Variants in LRRC4C observed in about 807,000 individuals in gnomAD.
The protein encoded by LRRC4C is leucine-rich repeat-containing protein 4C.
In LRRC4C, 5 loss-of-function variants were observed where a neutral mutation model predicts 33.6. That is an observed-to-expected ratio of 0.15 (90% CI 0.08 to 0.31). The LOEUF is 0.31. LRRC4C is among the 10% of genes least tolerant of loss of function. The probability of loss-of-function intolerance (pLI) is 1.00; values close to 1 mark genes in which losing one functional copy is unlikely to be tolerated. For synonymous variants in LRRC4C, 329 were observed against 302.0 expected (o/e 1.09, Z -0.93); for missense variants, 560 against 796.7 (o/e 0.70, Z 3.58).
At chr11:41,037,574 T>TCACACACACACACACACACA (rs56234239) in intron 1 of LRRC4C, among the ~76,000 whole-genome samples, 2 of 148,862 alleles carry the variant, frequency 1.3e-5, no homozygotes, top group Non-Finnish European at 3.0e-5. Flanking sequence ...TCTTTTCCTT[T>TCACACACACACACACACACA]CACACACACA....
chr11:40,651,940 C>T lies in LRRC4C; in HGVS notation c.-406-3662G>A, dbSNP rs188935047. 3.9e-5 allele frequency among the ~76,000 whole-genome samples: 6 copies of T among 152,248 alleles called. No individual in the cohort carries two copies. The East Asian group carries it at 1.2e-3, about 29-fold the overall frequency. The stretch of plus-strand genomic sequence containing the variant: ...CATTGATAAATGAGCTATGAAAAGT[C>T]TTTAATGTCTGTTCATTTTGTATCT... On this transcript the variant is annotated intron_variant, in intron 2 of 6. Transcript: ENST00000528697.
chr11:40,578,943 C>T (rs1322397371), intron 3 of LRRC4C, among the ~76,000 whole-genome samples: 1 of 152,090 alleles, frequency 6.6e-6, no homozygotes, highest in East Asian at 1.9e-4. Flanking sequence ...CTTGATTACC[C>T]CAAACCTATT....
chr11:40,763,816 C>G (rs1164088677), intron 2 of LRRC4C, among the ~76,000 whole-genome samples: 3 of 152,182 alleles, frequency 2.0e-5, no homozygotes, highest in Non-Finnish European at 4.4e-5. Context: ...AACCTAAGTT[C>G]CAGCTAGCCC....
At chr11:41,073,963 CTA>C (rs1434892250) in intron 1 of LRRC4C, among the ~76,000 whole-genome samples, 7 of 152,096 alleles carry the variant, frequency 4.6e-5, no homozygotes, top group African/African-American at 1.7e-4. Context: ...GTTTTAGTAA[CTA>C]TTGTTTTGCA....
chr11:40,440,986 C>G (rs1951369073), intron 3 of LRRC4C, among the ~76,000 whole-genome samples: 1 of 152,026 alleles, frequency 6.6e-6, no homozygotes, highest in African/African-American at 2.4e-5. Flanking sequence ...CTTCTAAACA[C>G]TTATTGGAAT....
rs182365136 is a variant in LRRC4C, at chr11:40,575,824, C to A, written c.-270+72318G>T. Among the ~76,000 whole-genome samples the A allele has an allele frequency of 4.1e-3, 628 of 152,216 alleles. 6 individuals carry two copies. The highest frequency in any genetic ancestry group is 0.015 in the African/African-American group (606 of 41,528). The stretch of plus-strand genomic sequence containing the variant: ...CAAATATTTGGAACTATACCACTTT[C>A]ACAAATAATACATGGAAAAACTCCT... On this transcript the variant is annotated intron_variant, in intron 3 of 6. Transcript: ENST00000528697.
chr11:41,331,856 G>T (rs571196729), intron 1 of LRRC4C, among the ~76,000 whole-genome samples: 75 of 152,200 alleles, frequency 4.9e-4, no homozygotes, highest in African/African-American at 1.7e-3. Flanking sequence ...TGTACCACAC[G>T]TGCTGATGGA....
At position 40,978,753 on chromosome 11, in the gene LRRC4C, C is replaced by G. The variant is rs184902534; in HGVS notation, c.-495-45030G>C. Among the ~76,000 whole-genome samples the G allele has an allele frequency of 1.6e-3, 236 of 151,902 alleles. 1 individual carries two copies. Among genetic ancestry groups the G allele is most frequent in the African/African-American group, 5.5e-3 (228 of 41,438 alleles). ...TCTCCTGCCTCAACCTCCCTAGTAGCTGGGATTGCAGGTGCCCACAACCAT... is the reference window on the plus strand; with the variant it reads ...TCTCCTGCCTCAACCTCCCTAGTAGGTGGGATTGCAGGTGCCCACAACCAT... On this transcript the variant is annotated intron_variant, in intron 1 of 6. Coordinates refer to ENST00000528697, the MANE Select transcript of LRRC4C (RefSeq NM_001258419.2).
At chr11:41,423,915 GAC>G (rs1954952964) in intron 1 of LRRC4C, 1 of 149,170 alleles carries the variant, frequency 6.7e-6, no homozygotes, top group Non-Finnish European at 1.5e-5. Context: ...TTGTAGGAGG[GAC>G]CTGGTGGGAG....
intron 4 of LRRC4C, among the ~76,000 whole-genome samples, chr11:40,268,300 A>T (rs1044130792): frequency 1.3e-5 from 2 of 152,166 alleles, no homozygotes; most frequent in African/African-American, 4.8e-5. Flanking sequence ...GCAGCTAAAG[A>T]CACTTCAAAG....
Position 40,291,623 on chromosome 11 carries a change from A to G in LRRC4C, c.-176+28005T>C, listed in dbSNP as rs148662700. ...ATCTGGGCATATGTATGCAAGAGTG[A>G]TTGTGGAAAGTACAGCCACTTCTCT... On this transcript the variant is annotated intron_variant, in intron 4 of 6. Coordinates refer to ENST00000528697, the MANE Select transcript of LRRC4C (RefSeq NM_001258419.2). Among the ~76,000 whole-genome samples the G allele has an allele frequency of 1.6e-4, 25 of 152,240 alleles. 1 individual carries two copies. The East Asian group carries it at 4.8e-3, about 29-fold the overall frequency.
At position 41,172,682 on chromosome 11, in the gene LRRC4C, A is replaced by T. The variant is rs116616984; in HGVS notation, c.-495-238959T>A. ...CCTCTCCTCCAACCAGAAGCTAAAC[A>T]TCGTGCCTATGGGAAATACCCTTTA... On this transcript the variant is annotated intron_variant, in intron 1 of 6. Coordinates refer to ENST00000528697, the MANE Select transcript of LRRC4C (RefSeq NM_001258419.2). Among the ~76,000 whole-genome samples, 1,019 of 152,258 alleles carry T rather than the reference A, an allele frequency of 6.7e-3. 9 individuals are homozygous for T. The highest frequency in any genetic ancestry group is 0.022 in the African/African-American group (930 of 41,532).
chr11:40,505,400 G>A (rs768329378), intron 3 of LRRC4C, among the ~76,000 whole-genome samples: 2 of 152,072 alleles, frequency 1.3e-5, no homozygotes, highest in Non-Finnish European at 2.9e-5. Context: ...TAGATTTACT[G>A]CCCTTTTCTG....
intron 2 of LRRC4C, among the ~76,000 whole-genome samples, chr11:40,678,193 G>C (rs1354626073): frequency 6.6e-6 from 1 of 151,356 alleles, no homozygotes; most frequent in Non-Finnish European, 1.5e-5. Flanking sequence ...TTGTTACAAA[G>C]GTATATCGTG....
chr11:40,499,631 T>C (rs1427085668), intron 3 of LRRC4C, among the ~76,000 whole-genome samples: 1 of 152,214 alleles, frequency 6.6e-6, no homozygotes, highest in Non-Finnish European at 1.5e-5. Flanking sequence ...GAGATAATGA[T>C]ACTGATGTTG....
chr11:40,176,311 G>A (rs775204225), intron 5 of LRRC4C, among the ~76,000 whole-genome samples: 5 of 152,136 alleles, frequency 3.3e-5, no homozygotes, highest in Admixed American at 6.5e-5. Context: ...TGTCCTTCTT[G>A]CTATAATGTA....
chr11:41,163,752 C>T (rs7109637), intron 1 of LRRC4C, among the ~76,000 whole-genome samples: 24,928 of 151,746 alleles, frequency 0.16, 2,631 homozygotes, highest in East Asian at 0.37. Context: ...GCTGGGATTA[C>T]AGGTGCCCAC....
At chr11:40,485,611 C>A (rs1272810219) in intron 3 of LRRC4C, among the ~76,000 whole-genome samples, 1 of 151,942 alleles carries the variant, frequency 6.6e-6, no homozygotes, top group Non-Finnish European at 1.5e-5. Flanking sequence ...AGTGATCTGA[C>A]AACCACACCT....
At position 40,235,485 on chromosome 11, in the gene LRRC4C, A is replaced by G. The variant is rs190059956; in HGVS notation, c.-96+6034T>C. On this transcript the variant is annotated intron_variant, in intron 5 of 6. Transcript: ENST00000528697. Reference sequence around the variant, plus strand: ...GTCAAAGCAAACTTATTATATGGATATAACCTTAAAGTCGATGGGAGTTGA... The same window carrying G: ...GTCAAAGCAAACTTATTATATGGATGTAACCTTAAAGTCGATGGGAGTTGA... 5.2e-3 allele frequency among the ~76,000 whole-genome samples: 790 copies of G among 152,304 alleles called. 7 individuals carry two copies. Among genetic ancestry groups the G allele is most frequent in the African/African-American group, 0.017 (721 of 41,562 alleles).
Sources: allele counts gnomAD v4.1 joint callset (sites outside exome capture counted in the v4.1 genomes callset), GRCh38; gene constraint gnomAD v4.1.1; transcripts MANE v1.5; gene names NCBI Gene and HGNC (gene_info 2026-07-23, HGNC 2026-07-21).